Variants in RAD51AP2 observed in about 807,000 individuals in gnomAD.
RAD51AP2 encodes the protein RAD51-associated protein 2.
Under a neutral mutation model 85.5 loss-of-function variants are expected in RAD51AP2, and 67 were observed. The ratio of observed to expected loss-of-function variants is 0.78; its 90% confidence interval spans 0.64 to 0.96. The LOEUF (loss-of-function observed/expected upper bound fraction) is 0.96, where lower values mean the gene tolerates loss of function less well. Among genes scored for constraint, RAD51AP2 ranks in the 40% least tolerant of loss-of-function variants. The pLI is 0.00. For synonymous variants in RAD51AP2, 474 were observed against 446.5 expected, an observed-to-expected ratio of 1.06 and a Z score of -0.78; for missense variants, 1,307 against 1,332.4, an observed-to-expected ratio of 0.98 and a Z score of 0.30.
At chr2:17,531,005 C>A in the RAD51AP2 span, among the ~76,000 whole-genome samples, 2 of 152,234 alleles carry the variant, frequency 1.3e-5, no homozygotes, top group South Asian at 4.1e-4. Context: ...TAGAATGTAA[C>A]CATTACAGAT....
upstream of RAD51AP2, among the ~76,000 whole-genome samples, chr2:17,521,705 G>A (rs535493419): frequency 1.8e-4 from 28 of 152,000 alleles, no homozygotes; most frequent in Admixed American, 8.5e-4. Context: ...TTTTATCAGC[G>A]CAATAATGGT....
chr2:17,515,797 T>C lies in RAD51AP2; in HGVS notation c.2619A>G (p.Val873=). The change falls in exon 1 of 3, where the codon GTA becomes GTG. Residue 873 remains valine (V), a synonymous_variant. Coordinates refer to ENST00000399080, the MANE Select transcript of RAD51AP2 (RefSeq NM_001099218.3). The part of the protein sequence containing the change: ...SFFPMDDMFS[V]QSVSLISKEV... ...CCTTACTTATTAATGAAACTGACTG[T>C]ACAGAAAACATGTCATCCATTGGAA... 1 of 1,604,148 alleles carries C rather than the reference T, an allele frequency of 6.2e-7. No individual in the cohort carries two copies. Among genetic ancestry groups the C allele is most frequent in the South Asian group, 1.1e-5 (1 of 89,780 alleles).
rs1433572315 is a variant in RAD51AP2, at chr2:17,515,795, T to C, written c.2621A>G (p.Gln874Arg). ...TTCCTTACTTATTAATGAAACTGAC[T>C]GTACAGAAAACATGTCATCCATTGG... ...FFPMDDMFSV[Q>R]SVSLISKEVN... Residue 874 changes from glutamine to arginine, a missense_variant, in exon 1 of 3, where the codon CAG becomes CGG. Coordinates refer to ENST00000399080, the MANE Select transcript of RAD51AP2 (RefSeq NM_001099218.3). 6.2e-7 allele frequency: 1 copy of C among 1,603,056 alleles called. No homozygotes were observed. The highest frequency in any genetic ancestry group is 2.2e-5 in the East Asian group (1 of 44,738).
In RAD51AP2 at chr2:17,516,047, C is replaced by T. The variant is rs759320343; in HGVS notation, c.2369G>A (p.Arg790Lys). ...EHIFEDLCNVRQQAIPASHNI... is the reference protein window; with the variant it reads ...EHIFEDLCNVKQQAIPASHNI... ...GTGGCTTGCTGGTATGGCCTGTTGC[C>T]TAACATTGCAGAGATCTTCAAATAT... Residue 790 changes from arginine to lysine, a missense_variant, in exon 1 of 3, where the codon AGG becomes AAG. Transcript: ENST00000399080. 6.2e-7 allele frequency: 1 copy of T among 1,613,756 alleles called. No individual in the cohort carries two copies. The highest frequency in any genetic ancestry group is 1.3e-5 in the African/African-American group (1 of 75,034).
At chr2:17,523,029 A>G (rs1029431138), upstream of RAD51AP2, among the ~76,000 whole-genome samples, 1 of 151,918 alleles carries the variant, frequency 6.6e-6, no homozygotes, top group Non-Finnish European at 1.5e-5. Flanking sequence ...AAGTTTTTGA[A>G]TCTATAGTCC....
chr2:17,525,560 A>T, the RAD51AP2 span, among the ~76,000 whole-genome samples: 1 of 152,102 alleles, frequency 6.6e-6, no homozygotes, highest in South Asian at 2.1e-4. Flanking sequence ...TAGGATCAAC[A>T]TGTTTAATTT....
Position 17,514,537 on chromosome 2 carries a change from G to A in RAD51AP2, c.3248-445C>T, listed in dbSNP as rs536914295. On this transcript the variant is annotated intron_variant, in intron 1 of 2. Transcript: ENST00000399080. ...AGCATTTTGGGAGGCCGAGGGCGGC[G>A]GGGGGGGTGGATCACAAGGTCAGGA... Among the ~76,000 whole-genome samples, 78 of 51,330 alleles carry A rather than the reference G, an allele frequency of 1.5e-3. 1 individual carries two copies. Among genetic ancestry groups the A allele is most frequent in the African/African-American group, 3.4e-3 (69 of 20,472 alleles). The allele number at this position is 51,330 out of a possible 152,430, so 33.7% of individuals were successfully genotyped here.
chr2:17,525,773 C>G, the RAD51AP2 span, among the ~76,000 whole-genome samples: 1 of 151,986 alleles, frequency 6.6e-6, no homozygotes, highest in African/African-American at 2.4e-5. Flanking sequence ...AAATGACTTT[C>G]TTAAAAGTTA....
chr2:17,522,992 G>A (rs1662888849), upstream of RAD51AP2, among the ~76,000 whole-genome samples: 1 of 151,908 alleles, frequency 6.6e-6, no homozygotes, highest in Non-Finnish European at 1.5e-5. Context: ...TTGAATAGTA[G>A]TTGGAGGAGT....
At position 17,516,466 on chromosome 2, in the gene RAD51AP2, C is replaced by T. The variant is rs957386223; in HGVS notation, c.1950G>A (p.Arg650=). ...AAACTTGTTCAGTTCTAAATAACTT[C>T]CTTTTCTTTAACATAGGTTTCATAT... is the stretch of plus-strand genomic sequence containing the variant. ...EDNMKPMLKK[R]KLFRTEQVFE... The change falls in exon 1 of 3, where the codon AGG becomes AGA. Residue 650 remains arginine, a synonymous_variant. Transcript: ENST00000399080. 1.9e-6 allele frequency: 3 copies of T among 1,554,796 alleles called. No individual in the cohort carries two copies. The highest frequency in any genetic ancestry group is 2.8e-5 in the African/African-American group (2 of 72,530).
Position 17,516,641 on chromosome 2 carries a change from T to C in RAD51AP2, c.1775A>G (p.Asp592Gly), listed in dbSNP as rs1038315162. 4 of 1,573,068 alleles carry C rather than the reference T, an allele frequency of 2.5e-6. No homozygotes were observed. Among genetic ancestry groups the C allele is most frequent in the Non-Finnish European group, 3.4e-6 (4 of 1,162,000 alleles). ...TNIAFLLNNF[D>G]SLTRIENDFE... ...ATCATTTTCAATTCTTGTTAAAGAG[T>C]CAAAGTTATTGAGCAAAAAAGCTAT... Residue 592 changes from aspartate to glycine, a missense_variant, in exon 1 of 3, where the codon GAC becomes GGC. Physicochemically the swap from Asp to Gly is moderately conservative, Grantham distance 94. This residue lies in a region of RAD51AP2 where 668 missense variants were observed against 671.0 expected (regional missense o/e 1.00). Transcript: ENST00000399080.
chr2:17,529,789 TCA>T, the RAD51AP2 span, among the ~76,000 whole-genome samples: 1 of 152,218 alleles, frequency 6.6e-6, no homozygotes, highest in African/African-American at 2.4e-5. Flanking sequence ...AGTAGAAAAT[TCA>T]CAGTTATACA....
At chr2:17,529,203 T>C in the RAD51AP2 span, among the ~76,000 whole-genome samples, 1 of 151,762 alleles carries the variant, frequency 6.6e-6, no homozygotes, top group Non-Finnish European at 1.5e-5. Context: ...ATGTCAACTT[T>C]CCTCTGTATA....
chr2:17,515,686 C>T lies in RAD51AP2; in HGVS notation c.2730G>A (p.Glu910=), dbSNP rs771330725. The T allele has an allele frequency of 4.3e-5, 70 of 1,609,798 alleles. No individual in the cohort carries two copies. The highest frequency in any genetic ancestry group is 2.5e-4 in the East Asian group (11 of 44,798). The change falls in exon 1 of 3, where the codon GAG becomes GAA. Residue 910 remains glutamate, a synonymous_variant. Coordinates refer to ENST00000399080, the MANE Select transcript of RAD51AP2 (RefSeq NM_001099218.3). ...TGTGAAAATCCTTTGAATTAGCTAT[C>T]TCCCTTTCTGGCAAAATACTCTCAT... ...NEYESILPER[E]IANSKDFHRK... is the part of the protein sequence containing the mutation.
At chr2:17,523,792 G>A in the RAD51AP2 span, among the ~76,000 whole-genome samples, 1 of 151,826 alleles carries the variant, frequency 6.6e-6, no homozygotes, top group African/African-American at 2.4e-5. Context: ...ATGCACATAG[G>A]TTCTGTTCAC....
chr2:17,515,707 C>T lies in RAD51AP2; in HGVS notation c.2709G>A (p.Glu903=). 1.2e-6 allele frequency: 2 copies of T among 1,604,120 alleles called. No homozygotes were observed. Among genetic ancestry groups the T allele is most frequent in the Non-Finnish European group, 1.7e-6 (2 of 1,174,952 alleles). ...CTATCTCCCTTTCTGGCAAAATACTCTCATATTCATTTGTATTTGTTACAT... is the reference window on the plus strand; with the variant it reads ...CTATCTCCCTTTCTGGCAAAATACTTTCATATTCATTTGTATTTGTTACAT... ...QNYVTNTNEY[E]SILPEREIAN... The change falls in exon 1 of 3, where the codon GAG becomes GAA. Residue 903 remains glutamate, a synonymous_variant. Coordinates refer to ENST00000399080, the MANE Select transcript of RAD51AP2 (RefSeq NM_001099218.3).
the RAD51AP2 span, among the ~76,000 whole-genome samples, chr2:17,533,531 A>G: frequency 1.3e-5 from 2 of 152,174 alleles, no homozygotes; most frequent in Non-Finnish European, 2.9e-5. Flanking sequence ...TATTTCTTCT[A>G]ATGTGATTGT....
At chr2:17,531,391 A>G in the RAD51AP2 span, among the ~76,000 whole-genome samples, 16 of 152,186 alleles carry the variant, frequency 1.1e-4, no homozygotes, top group African/African-American at 3.6e-4. Context: ...CCAATCCACA[A>G]TCAACATGTT....
At position 17,516,648 on chromosome 2, in the gene RAD51AP2, T is replaced by G; in HGVS notation, c.1768A>C (p.Asn590His). Reference sequence around the variant, plus strand: ...TCAATTCTTGTTAAAGAGTCAAAGTTATTGAGCAAAAAAGCTATGTTAGTT... The same window carrying G: ...TCAATTCTTGTTAAAGAGTCAAAGTGATTGAGCAAAAAAGCTATGTTAGTT... ...LKTNIAFLLN[N>H]FDSLTRIEND... is the part of the protein sequence containing the mutation. The change falls in exon 1 of 3, where the codon AAC becomes CAC. Residue 590 changes from asparagine to histidine, a missense_variant. Transcript: ENST00000399080. 6.4e-7 allele frequency: 1 copy of G among 1,571,786 alleles called. No individual in the cohort carries two copies. Among genetic ancestry groups the G allele is most frequent in the Non-Finnish European group, 8.6e-7 (1 of 1,161,512 alleles).
Sources: gnomAD v4.1 joint callset for allele counts (sites outside exome capture counted in the v4.1 genomes callset) on GRCh38, gnomAD v4.1.1 for gene constraint, gnomAD v4.1.1 regional missense constraint, MANE v1.5 for transcripts, NCBI Gene and HGNC (gene_info 2026-07-23, HGNC 2026-07-21) for gene names.